FOXN3: variants seen among roughly 807,000 people sequenced by gnomAD.
FOXN3 encodes forkhead box N3.
In FOXN3, 7 loss-of-function variants were observed where a neutral mutation model predicts 38.4. The observed-to-expected ratio is 0.18, with a 90% CI of 0.10 to 0.34. The LOEUF (loss-of-function observed/expected upper bound fraction) is 0.34, where lower values mean the gene tolerates loss of function less well. FOXN3 is among the 10% of genes least tolerant of loss of function. The probability of loss-of-function intolerance (pLI) is 1.00; values close to 1 mark genes in which losing one functional copy is unlikely to be tolerated. For missense variants in FOXN3, 456 were observed against 613.4 expected (o/e 0.74, Z 2.71); for synonymous variants, 230 against 242.2 (o/e 0.95, Z 0.47).
chr14:89,219,878 C>T (rs76700152), intron 4 of FOXN3, among the ~76,000 whole-genome samples: 2,749 of 152,258 alleles, frequency 0.018, 80 homozygotes, highest in African/African-American at 0.062. Flanking sequence ...TGGGATGCAG[C>T]ACTGAGGTAT....
chr14:89,505,287 C>T (rs1192279403), intron 1 of FOXN3, among the ~76,000 whole-genome samples: 2 of 150,986 alleles, frequency 1.3e-5, no homozygotes, highest in African/African-American at 4.9e-5. Flanking sequence ...CCTCCCCCTC[C>T]CCCTCCCCCT....
At chr14:89,389,760 G>A (rs975013180) in intron 2 of FOXN3, among the ~76,000 whole-genome samples, 6 of 152,116 alleles carry the variant, frequency 3.9e-5, no homozygotes, top group African/African-American at 1.4e-4. Flanking sequence ...ATCAATATAC[G>A]ATCTTAGCAA....
At position 89,412,132 on chromosome 14, in the gene FOXN3, G is replaced by A; in HGVS notation, c.345C>T (p.Pro115=). ...ATATGAGGCAGCTGAAGGAGTAGGG[G>A]GGTTTGCAGTTGGGGTTCTGCCTGG... ...YDARQNPNCK[P]PYSFSCLIFM... is the part of the protein sequence containing the mutation. Residue 115 remains proline, a synonymous_variant, in exon 2 of 6, where the codon CCC becomes CCT. Coordinates refer to ENST00000557258, the MANE Select transcript of FOXN3 (RefSeq NM_005197.4). The surrounding 1 kb of genome is among the most constrained non-coding windows in gnomAD (Gnocchi z 4.7). 4 of 1,611,936 alleles carry A rather than the reference G, an allele frequency of 2.5e-6. No individual in the cohort carries two copies. The highest frequency in any genetic ancestry group is 3.4e-6 in the Non-Finnish European group (4 of 1,178,584).
chr14:89,215,346 G>GATT (rs1884238103), intron 4 of FOXN3, among the ~76,000 whole-genome samples: 1 of 96,974 alleles, frequency 1.0e-5, no homozygotes, highest in African/African-American at 4.7e-5. Context: ...GGAGAATAGA[G>GATT]ATTTTTTTTT....
intron 3 of FOXN3, 105 bp from the exon 4 acceptor site, chr14:89,281,119 T>C: frequency 1.0e-6 from 1 of 971,922 alleles, no homozygotes; most frequent in Non-Finnish European, 1.6e-6. Context: ...TATGCATTAC[T>C]GACACCCTTT....
intron 1 of FOXN3, among the ~76,000 whole-genome samples, chr14:89,521,946 C>G (rs1894327360): frequency 6.6e-6 from 1 of 151,166 alleles, no homozygotes; most frequent in Non-Finnish European, 1.5e-5. Flanking sequence ...TCCATTGAGT[C>G]TGGCAGCCTG....
At chr14:89,467,818 T>TTG (rs1158155030) in intron 1 of FOXN3, among the ~76,000 whole-genome samples, 1 of 132,364 alleles carries the variant, frequency 7.6e-6, no homozygotes, top group Non-Finnish European at 1.6e-5. Flanking sequence ...TTTTTTTTTT[T>TTG]TTTTTTTTTT....
Position 89,566,776 on chromosome 14 carries a change from TCC to T in FOXN3, c.-15+52250_-15+52251del, listed in dbSNP as rs1430244534. On this transcript the variant is annotated intron_variant, in intron 1 of 6. Transcript: ENST00000345097. ...CATTCCCTCCTCCTCCTCCTCCTCC[TCC>T]TCCTTTCACTCCATCTTCCTTCTTC... is the stretch of plus-strand genomic sequence containing the variant. Among the ~76,000 whole-genome samples the T allele has an allele frequency of 1.1e-3, 164 of 147,650 alleles. 2 individuals carry two copies. Among genetic ancestry groups the T allele is most frequent in the African/African-American group, 4.0e-3 (153 of 38,558 alleles).
intron 1 of FOXN3, among the ~76,000 whole-genome samples, chr14:89,574,718 T>C (rs1412216863): frequency 1.4e-4 from 21 of 152,148 alleles, no homozygotes; most frequent in Admixed American, 1.4e-3. Context: ...TCTCTGATCG[T>C]CCTACAGGCA....
chr14:89,483,626 T>C (rs1246147900), intron 1 of FOXN3, among the ~76,000 whole-genome samples: 4 of 152,196 alleles, frequency 2.6e-5, no homozygotes. Flanking sequence ...CAGGCTGGTC[T>C]TGAACTCCTG....
intron 1 of FOXN3, among the ~76,000 whole-genome samples, chr14:89,593,165 AGAAG>A (rs1895993260): frequency 7.3e-6 from 1 of 137,460 alleles, no homozygotes; most frequent in Admixed American, 7.3e-5. Flanking sequence ...AAGAAAGCAG[AGAAG>A]GAAGGAGGGA....
intron 5 of FOXN3, among the ~76,000 whole-genome samples, chr14:89,172,531 C>T (rs537920303): frequency 2.0e-5 from 3 of 152,252 alleles, no homozygotes; most frequent in East Asian, 1.9e-4. Context: ...AAAGTTTATA[C>T]GCAACTGCAA....
intron 4 of FOXN3, among the ~76,000 whole-genome samples, chr14:89,235,706 G>A (rs1884958506): frequency 6.6e-6 from 1 of 152,198 alleles, no homozygotes; most frequent in Admixed American, 6.5e-5. Flanking sequence ...GTCCTCACAA[G>A]TGAAAGAGGG....
At chr14:89,265,782 T>A (rs898227282) in intron 4 of FOXN3, among the ~76,000 whole-genome samples, 2 of 152,368 alleles carry the variant, frequency 1.3e-5, no homozygotes, top group African/African-American at 4.8e-5. Flanking sequence ...TTTCTTTTCA[T>A]GCTAATTGCT....
At chr14:89,324,521 C>A (rs560335332) in intron 3 of FOXN3, among the ~76,000 whole-genome samples, 1 of 150,682 alleles carries the variant, frequency 6.6e-6, no homozygotes, top group Non-Finnish European at 1.5e-5. Context: ...GAAAACAAAG[C>A]GGCAGTAGGA....
intron 1 of FOXN3, chr14:89,576,984 A>C (rs777693691): frequency 6.6e-6 from 1 of 152,210 alleles, no homozygotes; most frequent in Non-Finnish European, 1.5e-5. Flanking sequence ...AAATCGCTCT[A>C]ATCATTGAAA....
At chr14:89,519,697 G>A (rs953329124) in intron 1 of FOXN3, among the ~76,000 whole-genome samples, 6 of 151,814 alleles carry the variant, frequency 4.0e-5, no homozygotes, top group Non-Finnish European at 8.8e-5. Flanking sequence ...AGCACTGACT[G>A]GGGTGGAAGG....
rs928359802 is a variant in FOXN3, at chr14:89,345,356, TA to T, written c.680+5315del. On this transcript the variant is annotated intron_variant, in intron 3 of 5. Transcript: ENST00000557258. ...TGAGTCTGCATTTTGGAGACTGCTT[TA>T]AAAAAAAAAAAAAGGAAAGAGAAGT... is the stretch of plus-strand genomic sequence containing the variant. Among the ~76,000 whole-genome samples, 608 of 139,894 alleles carry T rather than the reference TA, an allele frequency of 4.3e-3. 1 individual carries two copies. The highest frequency in any genetic ancestry group is 4.7e-3 in the Admixed American group (66 of 13,912). The allele number at this position is 139,894 out of a possible 152,430, so 91.8% of individuals were successfully genotyped here.
chr14:89,546,366 T>C (rs1249112984), intron 1 of FOXN3, among the ~76,000 whole-genome samples: 1 of 124,038 alleles, frequency 8.1e-6, no homozygotes, highest in Admixed American at 8.8e-5. Flanking sequence ...AGTCTCGCTC[T>C]GTCACCAGGC....
Sources: gnomAD v4.1 joint callset for allele counts (sites outside exome capture counted in the v4.1 genomes callset) on GRCh38, gnomAD v4.1.1 for gene constraint, Gnocchi (gnomAD v3.1) non-coding constraint, MANE v1.5 for transcripts, NCBI Gene and HGNC (gene_info 2026-07-23, HGNC 2026-07-21) for gene names.